Variants in CAST observed in about 807,000 individuals in gnomAD.
The protein encoded by CAST is calpastatin, also known as MIR583 host.
CAST carries 76 observed loss-of-function variants against 119.6 expected under a neutral mutation model. The ratio of observed to expected loss-of-function variants is 0.64; its 90% confidence interval spans 0.53 to 0.77. CAST has a LOEUF of 0.77. CAST is among the 30% of genes least tolerant of loss of function. CAST has a pLI of 0.00. For synonymous variants in CAST, 319 were observed against 331.6 expected (o/e 0.96, Z 0.41); for missense variants, 953 against 946.5 (o/e 1.01, Z -0.09).
chr5:96,561,787 T>TG (rs1182355101), intron 1 of CAST, among the ~76,000 whole-genome samples: 6 of 9,636 alleles, frequency 6.2e-4, no homozygotes, highest in South Asian at 0.011. Flanking sequence ...TATATATATG[T>TG]TTTTTTTTGT....
At chr5:96,206,518 A>C in the CAST span, among the ~76,000 whole-genome samples, 4 of 152,156 alleles carry the variant, frequency 2.6e-5, no homozygotes, top group Non-Finnish European at 5.9e-5. Context: ...AATCTTCTGC[A>C]TATGGCTAGC....
chr5:96,697,255 A>G (rs1753413531), intron 3 of CAST, among the ~76,000 whole-genome samples: 1 of 152,130 alleles, frequency 6.6e-6, no homozygotes, highest in Admixed American at 6.5e-5. Flanking sequence ...ACCTCAACCT[A>G]TGTTTCAGGA....
the CAST span, among the ~76,000 whole-genome samples, chr5:96,464,772 T>C: frequency 2.6e-5 from 4 of 152,112 alleles, no homozygotes; most frequent in African/African-American, 9.7e-5. Flanking sequence ...GGTAAACACC[T>C]GGGCAGTCAT....
chr5:96,601,025 C>T (rs1227809127), intron 1 of CAST, among the ~76,000 whole-genome samples: 1 of 152,088 alleles, frequency 6.6e-6, no homozygotes, highest in Non-Finnish European at 1.5e-5. Flanking sequence ...TCTCCCCCTC[C>T]GCTATCTATC....
chr5:96,418,367 A>G, the CAST span, among the ~76,000 whole-genome samples: 5 of 152,338 alleles, frequency 3.3e-5, no homozygotes, highest in African/African-American at 1.2e-4. Context: ...GATAGTTTAA[A>G]TACTACCCTT....
At chr5:96,261,416 A>T in the CAST span, among the ~76,000 whole-genome samples, 1 of 152,332 alleles carries the variant, frequency 6.6e-6, no homozygotes, top group Admixed American at 6.5e-5. Context: ...ATGGATCCCC[A>T]TGCTATTACC....
the CAST span, among the ~76,000 whole-genome samples, chr5:96,489,740 A>G: frequency 0.092 from 14,022 of 152,166 alleles, 869 homozygotes; most frequent in Middle Eastern, 0.14. Flanking sequence ...TAAAGATACT[A>G]CTTAGACAAT....
At chr5:96,470,882 T>C in the CAST span, among the ~76,000 whole-genome samples, 1 of 152,108 alleles carries the variant, frequency 6.6e-6, no homozygotes, top group East Asian at 1.9e-4. Context: ...TTAAGTACTA[T>C]AGCTATAAAT....
intron 1 of CAST, among the ~76,000 whole-genome samples, chr5:96,640,964 A>G (rs1371568444): frequency 1.3e-5 from 2 of 152,230 alleles, no homozygotes; most frequent in Non-Finnish European, 2.9e-5. Context: ...CCACAATGCT[A>G]TATAATACCA....
At chr5:96,163,051 A>G in the CAST span, among the ~76,000 whole-genome samples, 1 of 152,182 alleles carries the variant, frequency 6.6e-6, no homozygotes, top group Non-Finnish European at 1.5e-5. Flanking sequence ...CTTTTAAATT[A>G]CTAATTCAAC....
the CAST span, among the ~76,000 whole-genome samples, chr5:96,109,105 C>G: frequency 6.6e-6 from 1 of 152,228 alleles, no homozygotes; most frequent in Non-Finnish European, 1.5e-5. Context: ...CGTGCACCCA[C>G]TGACCTGCGC....
chr5:96,523,851 C>T (rs1488281403), upstream of CAST, among the ~76,000 whole-genome samples: 1 of 152,208 alleles, frequency 6.6e-6, no homozygotes, highest in Non-Finnish European at 1.5e-5. Context: ...ATAGAATTTA[C>T]ACACATTTCC....
the CAST span, among the ~76,000 whole-genome samples, chr5:96,409,050 C>T: frequency 2.2e-4 from 34 of 152,150 alleles, no homozygotes; most frequent in African/African-American, 7.2e-4. Flanking sequence ...GAGACTTACC[C>T]GAGATGTTCT....
At chr5:96,602,617 G>A (rs925596449) in intron 1 of CAST, among the ~76,000 whole-genome samples, 3 of 152,192 alleles carry the variant, frequency 2.0e-5, no homozygotes, top group Non-Finnish European at 2.9e-5. Flanking sequence ...AGGCGTGGTG[G>A]TGCATGCCTG....
In CAST at chr5:96,730,770, A is replaced by G. The variant is rs376744761; in HGVS notation, c.550-10A>G. On this transcript the variant is annotated splice_polypyrimidine_tract_variant and intron_variant, in intron 8 of 31. Coordinates refer to ENST00000675179, the MANE Select transcript of CAST (RefSeq NM_001750.7). ...TTAGCTCTGTCAACCTTTTATCCTCACTGTCTTAGACTAAACCACAAGACA... is the reference window on the plus strand; with the variant it reads ...TTAGCTCTGTCAACCTTTTATCCTCGCTGTCTTAGACTAAACCACAAGACA... 6.2e-7 allele frequency: 1 copy of G among 1,605,736 alleles called. No homozygotes were observed. The highest frequency in any genetic ancestry group is 8.5e-7 in the Non-Finnish European group (1 of 1,172,448).
intron 1 of CAST, among the ~76,000 whole-genome samples, chr5:96,627,362 G>A (rs1747743574): frequency 6.6e-6 from 1 of 152,152 alleles, no homozygotes; most frequent in East Asian, 1.9e-4. Context: ...TTTCCAAAGA[G>A]TCAATTTTGG....
the CAST span, among the ~76,000 whole-genome samples, chr5:96,245,933 C>A: frequency 2.0e-5 from 3 of 152,172 alleles, no homozygotes; most frequent in South Asian, 2.1e-4. Context: ...GCGCAGGACC[C>A]GGCTGAATCT....
At chr5:96,353,024 A>G in the CAST span, among the ~76,000 whole-genome samples, 1 of 152,138 alleles carries the variant, frequency 6.6e-6, no homozygotes, top group South Asian at 2.1e-4. Context: ...TCTTTACAGT[A>G]ATGTGAAAAT....
chr5:96,266,888 A>G, the CAST span, among the ~76,000 whole-genome samples: 3 of 152,234 alleles, frequency 2.0e-5, no homozygotes, highest in Non-Finnish European at 4.4e-5. Flanking sequence ...AAAGCTAAAT[A>G]GCAGTTTTAA....
Sources: allele counts gnomAD v4.1 joint callset (sites outside exome capture counted in the v4.1 genomes callset), GRCh38; gene constraint gnomAD v4.1.1; transcripts MANE v1.5; gene names NCBI Gene and HGNC (gene_info 2026-07-23, HGNC 2026-07-21).